The following MINDY3 variants were observed in gnomAD, a reference collection of about 807,000 sequenced individuals.
MINDY3 encodes the protein MINDY lysine 48 deubiquitinase 3.
MINDY3 carries 38 observed loss-of-function variants against 69.2 expected under a neutral mutation model. That is an observed-to-expected ratio of 0.55 (90% CI 0.42 to 0.72). The LOEUF is 0.72. MINDY3 is among the 30% of genes least tolerant of loss of function. MINDY3 has a pLI of 0.00. For synonymous variants in MINDY3, 192 were observed against 180.1 expected (o/e 1.07, Z -0.53); for missense variants, 522 against 519.0 (o/e 1.01, Z -0.06).
Position 15,860,487 on chromosome 10 carries a change from C to T in MINDY3, c.-188G>A. ...CTGTCAAGCCAGGTTGGGGCAGCAG[C>T]GAGTTTTCCGTACCGGAAGTGCTGG... is the stretch of plus-strand genomic sequence containing the variant. On this transcript the variant is annotated 5_prime_UTR_variant, in exon 1 of 15. Transcript: ENST00000277632. 1.7e-6 allele frequency: 1 copy of T among 602,876 alleles called. No homozygotes were observed. Among genetic ancestry groups the T allele is most frequent in the Non-Finnish European group, 2.9e-6 (1 of 343,016 alleles). 37.3% of individuals were successfully genotyped at this position (602,876 alleles called of 1,614,324 possible). A position where few individuals can be genotyped will look rare whatever the true frequency, so the allele number is the denominator to read the frequency against.
At chr10:15,855,117 C>T (rs1437131672) in intron 1 of MINDY3, among the ~76,000 whole-genome samples, 2 of 152,030 alleles carry the variant, frequency 1.3e-5, no homozygotes, top group Non-Finnish European at 2.9e-5. Context: ...GTTGGAAATG[C>T]GTTACAGTGA....
At chr10:15,806,263 A>G (rs1202892668) in intron 10 of MINDY3, among the ~76,000 whole-genome samples, 3 of 152,132 alleles carry the variant, frequency 2.0e-5, no homozygotes, top group Non-Finnish European at 2.9e-5. Context: ...CCCTCATGCT[A>G]TCCAGTAACT....
chr10:15,803,143 T>C (rs938876163), intron 10 of MINDY3, among the ~76,000 whole-genome samples: 2 of 152,190 alleles, frequency 1.3e-5, no homozygotes, highest in Non-Finnish European at 2.9e-5. Context: ...ATTTATGTAA[T>C]GTTTAAATGT....
chr10:15,823,155 C>T (rs1839882112), intron 8 of MINDY3, among the ~76,000 whole-genome samples: 1 of 152,150 alleles, frequency 6.6e-6, no homozygotes, highest in Admixed American at 6.6e-5. Flanking sequence ...GACAGTTTAA[C>T]TTTCTGGATT....
At chr10:15,836,501 A>G (rs1043935748) in intron 6 of MINDY3, among the ~76,000 whole-genome samples, 4 of 152,040 alleles carry the variant, frequency 2.6e-5, no homozygotes, top group Non-Finnish European at 5.9e-5. Flanking sequence ...TCAACGCTCA[A>G]AAAACATTTG....
In MINDY3 at chr10:15,816,855, G is replaced by C. The variant is rs1488025891; in HGVS notation, c.862C>G (p.Leu288Val). 2 of 1,613,054 alleles carry C rather than the reference G, an allele frequency of 1.2e-6. No homozygotes were observed. Among genetic ancestry groups the C allele is most frequent in the Non-Finnish European group, 1.7e-6 (2 of 1,179,426 alleles). ...PIWIVGSETH[L>V]TVFFAKDMAL... is the part of the protein sequence containing the mutation. ...CATACCTTGGCAAAAAATACGGTGA[G>C]GTGAGTCTCACTGCCAACAATCCAA... The change falls in exon 10 of 15, where the codon CTC (leucine) becomes GTC (valine). Residue 288 changes from leucine to valine, a missense_variant. Transcript: ENST00000277632.
intron 12 of MINDY3, among the ~76,000 whole-genome samples, chr10:15,788,625 G>C (rs76194674): frequency 0.034 from 5,115 of 152,136 alleles, 267 homozygotes; most frequent in African/African-American, 0.11. Flanking sequence ...ATCCACTTAA[G>C]AAGAGTTATT....
chr10:15,781,753 A>G (rs1371090710), intron 14 of MINDY3, among the ~76,000 whole-genome samples: 1 of 152,192 alleles, frequency 6.6e-6, no homozygotes, highest in East Asian at 1.9e-4. Context: ...GTAAATGCTC[A>G]ATATATGCTG....
At chr10:15,836,081 T>C (rs901683682) in intron 6 of MINDY3, among the ~76,000 whole-genome samples, 1 of 152,114 alleles carries the variant, frequency 6.6e-6, no homozygotes, top group Non-Finnish European at 1.5e-5. Flanking sequence ...AAGGTCTTCA[T>C]ATTCTAAGTC....
Position 15,847,992 on chromosome 10 carries a change from A to G in MINDY3, c.95-49T>C, listed in dbSNP as rs200390594. 26 of 1,432,488 alleles carry G rather than the reference A, an allele frequency of 1.8e-5. No individual in the cohort carries two copies. The East Asian group carries it at 4.8e-4, about 26-fold the overall frequency. The allele number at this position is 1,432,488 out of a possible 1,614,324, so 88.7% of individuals were successfully genotyped here. On this transcript the variant is annotated intron_variant, in intron 1 of 14. Coordinates refer to ENST00000277632, the MANE Select transcript of MINDY3 (RefSeq NM_024948.4). ...AGATTAAAAATATAATTCAAGTAGC[A>G]GCTAAAAGAATCTTTCATGTACTTT... is the stretch of plus-strand genomic sequence containing the variant.
chr10:15,830,743 G>C (rs1299185575), intron 8 of MINDY3, among the ~76,000 whole-genome samples: 1 of 152,192 alleles, frequency 6.6e-6, no homozygotes, highest in Non-Finnish European at 1.5e-5. Context: ...AAAAGGCTAC[G>C]ATTTTCGCAG....
intron 7 of MINDY3, 50 bp from the exon 8 acceptor site, chr10:15,833,759 CAAAT>C: frequency 8.8e-7 from 1 of 1,136,244 alleles, no homozygotes; most frequent in East Asian, 2.4e-5. Flanking sequence ...GTTGCCAAAT[CAAAT>C]AATTCCTACA....
intron 8 of MINDY3, among the ~76,000 whole-genome samples, chr10:15,822,241 G>C (rs999114358): frequency 6.6e-6 from 1 of 152,044 alleles, no homozygotes; most frequent in African/African-American, 2.4e-5. Context: ...CTTCAGACTG[G>C]GGAAATAAAG....
At chr10:15,798,356 G>A (rs1443208985) in intron 10 of MINDY3, among the ~76,000 whole-genome samples, 3 of 152,000 alleles carry the variant, frequency 2.0e-5, no homozygotes, top group Non-Finnish European at 4.4e-5. Context: ...CCAGATTTTA[G>A]CCATAGAAGG....
At chr10:15,785,631 A>G (rs55956244) in intron 13 of MINDY3, among the ~76,000 whole-genome samples, 38 of 152,308 alleles carry the variant, frequency 2.5e-4, no homozygotes, top group Non-Finnish European at 4.7e-4. Context: ...GAAGGCTTTA[A>G]GACCAAAGTT....
At chr10:15,785,136 C>G (rs1179563863) in intron 13 of MINDY3, among the ~76,000 whole-genome samples, 1 of 152,096 alleles carries the variant, frequency 6.6e-6, no homozygotes, top group Non-Finnish European at 1.5e-5. Context: ...CTAAAGGTAA[C>G]CAAGAGCAGG....
chr10:15,848,066 G>C (rs1490507096), intron 1 of MINDY3, 123 bp from the exon 2 acceptor site: 8 of 768,400 alleles, frequency 1.0e-5, no homozygotes, highest in South Asian at 6.6e-5. Context: ...TTCAAATCAT[G>C]AGGTGTGGAT....
intron 8 of MINDY3, among the ~76,000 whole-genome samples, chr10:15,832,291 C>G (rs1221369491): frequency 3.3e-5 from 5 of 152,042 alleles, no homozygotes; most frequent in Non-Finnish European, 7.4e-5. Flanking sequence ...TCAGCAAGAA[C>G]CTATTGCTTC....
intron 10 of MINDY3, 148 bp from the exon 11 acceptor site, chr10:15,796,320 T>C: frequency 3.1e-6 from 2 of 638,076 alleles, no homozygotes; most frequent in Admixed American, 2.6e-5. Context: ...AGATAGGTCA[T>C]AAACTCTCCA....
Sources: allele counts gnomAD v4.1 joint callset (sites outside exome capture counted in the v4.1 genomes callset), GRCh38; gene constraint gnomAD v4.1.1; transcripts MANE v1.5; gene names NCBI Gene and HGNC (gene_info 2026-07-23, HGNC 2026-07-21).